ADARB2: variants seen among roughly 807,000 people sequenced by gnomAD.
ADARB2 encodes the protein adenosine deaminase RNA specific B2 (inactive).
A neutral mutation model predicts 62.2 loss-of-function variants in ADARB2; 25 were observed. The ratio of observed to expected loss-of-function variants is 0.40; its 90% CI spans 0.29 to 0.56. ADARB2 has a LOEUF of 0.56. Ranked by LOEUF, ADARB2 falls within the 20% of genes least tolerant of loss-of-function variation. The probability of loss-of-function intolerance (pLI) is 0.43; values close to 1 mark genes in which losing one functional copy is unlikely to be tolerated. For synonymous variants in ADARB2, 572 were observed against 500.8 expected, an observed-to-expected ratio of 1.14 and a Z score of -1.90; for missense variants, 1,071 against 1,077.4, an observed-to-expected ratio of 0.99 and a Z score of 0.08.
At chr10:1,580,621 T>C (rs756418738) in intron 1 of ADARB2, among the ~76,000 whole-genome samples, 7 of 152,052 alleles carry the variant, frequency 4.6e-5, no homozygotes, top group Non-Finnish European at 8.8e-5. Flanking sequence ...CGTTATCAAG[T>C]CCACAGATTA....
At chr10:1,287,458 C>A (rs1831424533) in intron 3 of ADARB2, among the ~76,000 whole-genome samples, 1 of 152,160 alleles carries the variant, frequency 6.6e-6, no homozygotes, top group African/African-American at 2.4e-5. Flanking sequence ...GATCACCATG[C>A]TGTGTGACAG....
intron 6 of ADARB2, among the ~76,000 whole-genome samples, chr10:1,219,069 AG>A (rs1176348225): frequency 1.4e-5 from 2 of 142,706 alleles, no homozygotes; most frequent in African/African-American, 5.4e-5. Context: ...AAAAAAAAAA[AG>A]AGTGTGTGGC....
chr10:1,642,075 T>G (rs770222513), intron 1 of ADARB2, among the ~76,000 whole-genome samples: 9 of 152,370 alleles, frequency 5.9e-5, no homozygotes, highest in East Asian at 3.9e-4. Context: ...ATTTGACATT[T>G]ATTATGATTT....
intron 1 of ADARB2, among the ~76,000 whole-genome samples, chr10:1,596,306 A>T (rs191350826): frequency 1.3e-5 from 2 of 152,340 alleles, no homozygotes; most frequent in African/African-American, 4.8e-5. Flanking sequence ...TGTGGGGAAA[A>T]ACCAACAAGT....
chr10:1,306,761 C>T (rs966434960), intron 3 of ADARB2, among the ~76,000 whole-genome samples: 6 of 147,008 alleles, frequency 4.1e-5, no homozygotes, highest in African/African-American at 7.4e-5. Context: ...AGAACAGAGC[C>T]GTCAGAAATA....
rs1164691547 is a variant in ADARB2, at chr10:1,317,259, T to C, written c.1077+45769A>G. ...GCAGACATAATTTAAAAATAATTAT[T>C]ATGCCGTATCTTCTATACCTTGTAC... On this transcript the variant is annotated intron_variant, in intron 3 of 9. Transcript: ENST00000381312. Among the ~76,000 whole-genome samples, 10 of 152,344 alleles carry C rather than the reference T, an allele frequency of 6.6e-5. 1 individual carries two copies. In the South Asian group the frequency reaches 2.1e-3, roughly 32 times the overall value.
chr10:1,550,972 C>A (rs1832613201), intron 1 of ADARB2, among the ~76,000 whole-genome samples: 1 of 152,158 alleles, frequency 6.6e-6, no homozygotes, highest in Non-Finnish European at 1.5e-5. Flanking sequence ...CTGTTCTGGG[C>A]TGTATTCGGC....
intron 7 of ADARB2, among the ~76,000 whole-genome samples, chr10:1,205,172 C>G (rs1421569521): frequency 6.6e-6 from 1 of 152,208 alleles, no homozygotes; most frequent in African/African-American, 2.4e-5. Flanking sequence ...TCCCTGCTGC[C>G]CGGGGGCTGC....
chr10:1,348,267 C>T (rs1832099659), intron 3 of ADARB2, among the ~76,000 whole-genome samples: 1 of 152,178 alleles, frequency 6.6e-6, no homozygotes, highest in African/African-American at 2.4e-5. Flanking sequence ...TCTAAAGAAA[C>T]CACTGTTGCC....
In ADARB2 at chr10:1,426,525, C is replaced by T. The variant is rs117148848; in HGVS notation, c.101-47365G>A. On this transcript the variant is annotated intron_variant, in intron 1 of 9. Transcript: ENST00000381312. This position sits in a 1 kb window ranked among gnomAD's most constrained non-coding sequence, Gnocchi z 4.1. ...ACAGAAGGATGGTCCTGTCTCATCC[C>T]TACACCTGTGAGGCCTCAGTTCTGC... Among the ~76,000 whole-genome samples, 3 of 152,296 alleles carry T rather than the reference C, an allele frequency of 2.0e-5. No homozygotes were observed. Among genetic ancestry groups the T allele is most frequent in the East Asian group, 3.9e-4 (2 of 5,174 alleles).
intron 1 of ADARB2, among the ~76,000 whole-genome samples, chr10:1,456,144 T>C (rs1250191518): frequency 1.3e-5 from 2 of 152,250 alleles, no homozygotes; most frequent in Admixed American, 1.3e-4. Flanking sequence ...ACTCTCTTTA[T>C]CTAGTTTCAC....
chr10:1,670,394 A>T (rs1834369484), intron 1 of ADARB2, among the ~76,000 whole-genome samples: 1 of 152,230 alleles, frequency 6.6e-6, no homozygotes. Flanking sequence ...CTTAGGGCAC[A>T]TTATTTCAAA....
chr10:1,408,945 G>A (rs947953525), intron 1 of ADARB2, among the ~76,000 whole-genome samples: 19 of 152,188 alleles, frequency 1.2e-4, no homozygotes, highest in African/African-American at 3.9e-4. Flanking sequence ...TGGGCTGGCC[G>A]GGTTGTGTTC....
chr10:1,321,240 ACCT>A (rs1217710593), intron 3 of ADARB2, among the ~76,000 whole-genome samples: 1 of 151,976 alleles, frequency 6.6e-6, no homozygotes, highest in African/African-American at 2.4e-5. Flanking sequence ...CATGGAAATC[ACCT>A]CTTCTCTCTT....
At position 1,182,454 on chromosome 10, in the gene ADARB2, A is replaced by G. The variant is rs1471616176; in HGVS notation, c.*739T>C. ...GTGTTTCCAGGCTCCCCACATCTGCAGCACGCGTGGGCCGGGTGTTTCCAG... is the reference window on the plus strand; with the variant it reads ...GTGTTTCCAGGCTCCCCACATCTGCGGCACGCGTGGGCCGGGTGTTTCCAG... On this transcript the variant is annotated 3_prime_UTR_variant, in exon 10 of 10. Coordinates refer to ENST00000381312, the MANE Select transcript of ADARB2 (RefSeq NM_018702.4). 1 of 152,564 alleles carries G rather than the reference A, an allele frequency of 6.6e-6. No homozygotes were observed. Among genetic ancestry groups the G allele is most frequent in the Non-Finnish European group, 1.5e-5 (1 of 68,654 alleles). 9.5% of individuals were successfully genotyped at this position (152,564 alleles called of 1,614,324 possible).
At chr10:1,231,273 C>T (rs1564228809) in intron 6 of ADARB2, among the ~76,000 whole-genome samples, 1 of 152,200 alleles carries the variant, frequency 6.6e-6, no homozygotes, top group East Asian at 1.9e-4. Context: ...TGGGTCTTTA[C>T]GATGCCAACC....
At chr10:1,357,519 T>A (rs1832207860) in intron 3 of ADARB2, among the ~76,000 whole-genome samples, 1 of 152,174 alleles carries the variant, frequency 6.6e-6, no homozygotes, top group Non-Finnish European at 1.5e-5. Flanking sequence ...TCTGGTTAAA[T>A]TTGAATTTCA....
chr10:1,316,698 C>T (rs1831743046), intron 3 of ADARB2, among the ~76,000 whole-genome samples: 1 of 152,196 alleles, frequency 6.6e-6, no homozygotes, highest in Non-Finnish European at 1.5e-5. Context: ...CCTCCCCACA[C>T]CCCATGTGCA....
chr10:1,657,670 A>G (rs960748300), intron 1 of ADARB2, among the ~76,000 whole-genome samples: 3 of 152,168 alleles, frequency 2.0e-5, no homozygotes, highest in African/African-American at 4.8e-5. Flanking sequence ...AGGTCCAAGG[A>G]TGTAAATGCA....
Sources: gnomAD v4.1 joint callset for allele counts (sites outside exome capture counted in the v4.1 genomes callset) on GRCh38, gnomAD v4.1.1 for gene constraint, Gnocchi (gnomAD v3.1) non-coding constraint, MANE v1.5 for transcripts, NCBI Gene and HGNC (gene_info 2026-07-23, HGNC 2026-07-21) for gene names.